UVSSA: variants seen among roughly 807,000 people sequenced by gnomAD.
UVSSA encodes the protein UV stimulated scaffold protein A.
A neutral mutation model predicts 73.9 loss-of-function variants in UVSSA; 72 were observed. That is an observed-to-expected ratio of 0.97 (90% confidence interval 0.81 to 1.19). UVSSA has a LOEUF of 1.19. UVSSA is among the 50% of genes most tolerant of loss of function. The probability of loss-of-function intolerance (pLI) is 0.00; values close to 1 mark genes in which losing one functional copy is unlikely to be tolerated. For synonymous variants in UVSSA, 454 were observed against 391.3 expected, an observed-to-expected ratio of 1.16 and a Z score of -1.89; for missense variants, 1,150 against 965.0, an observed-to-expected ratio of 1.19 and a Z score of -2.54.
In UVSSA at chr4:1,385,975, G is replaced by A. The variant is rs369821285; in HGVS notation, c.*14G>A. 1.9e-6 allele frequency: 3 copies of A among 1,613,624 alleles called. No individual in the cohort carries two copies. Among genetic ancestry groups the A allele is most frequent in the Non-Finnish European group, 2.5e-6 (3 of 1,179,862 alleles). On this transcript the variant is annotated 3_prime_UTR_variant, in exon 14 of 14. Coordinates refer to ENST00000389851, the MANE Select transcript of UVSSA (RefSeq NM_020894.4). ...GCACTGAACTAGAGAGCGGGGCCCA[G>A]TGCACTGGCCATCAGCACTTTCTCC... is the stretch of plus-strand genomic sequence containing the variant.
Position 1,372,811 on chromosome 4 carries a change from T to TCC in UVSSA, c.1289-2552_1289-2551insCC, listed in dbSNP as rs1560469163. 5.7e-3 allele frequency among the ~76,000 whole-genome samples: 278 copies of TCC among 48,392 alleles called. 27 individuals carry two copies. Among genetic ancestry groups the TCC allele is most frequent in the African/African-American group, 0.016 (161 of 10,116 alleles). The allele number at this position is 48,392 out of a possible 152,430, so 31.7% of individuals were successfully genotyped here. On this transcript the variant is annotated intron_variant, in intron 8 of 13. Coordinates refer to ENST00000389851, the MANE Select transcript of UVSSA (RefSeq NM_020894.4). Reference sequence around the variant, plus strand: ...CGCGTCCCTGCACTCACCTCCCGCGTCTCAGGGCACTCACCTCCCGCGTCT... The same window carrying TCC: ...CGCGTCCCTGCACTCACCTCCCGCGTCCCTCAGGGCACTCACCTCCCGCGTCT...
chr4:1,380,292 G>A lies in UVSSA; in HGVS notation c.1752+62G>A, dbSNP rs1719324873. 4.5e-6 allele frequency: 7 copies of A among 1,546,712 alleles called. No individual in the cohort carries two copies. In the South Asian group the frequency reaches 8.3e-5, roughly 18 times the overall value. ...CTGGACCAGGTGGGGCAGCCAGAGGGGTGCTGAGCCCCACCTGCCCCTGCC... is the reference window on the plus strand; with the variant it reads ...CTGGACCAGGTGGGGCAGCCAGAGGAGTGCTGAGCCCCACCTGCCCCTGCC... On this transcript the variant is annotated intron_variant, in intron 11 of 13. Coordinates refer to ENST00000389851, the MANE Select transcript of UVSSA (RefSeq NM_020894.4).
Position 1,371,969 on chromosome 4 carries a change from T to C in UVSSA, c.1289-3395T>C, listed in dbSNP as rs183150944. 1.2e-3 allele frequency among the ~76,000 whole-genome samples: 176 copies of C among 152,346 alleles called. 1 individual carries two copies. Among genetic ancestry groups the C allele is most frequent in the Non-Finnish European group, 3.1e-4 (21 of 68,040 alleles). On this transcript the variant is annotated intron_variant, in intron 8 of 13. Coordinates refer to ENST00000389851, the MANE Select transcript of UVSSA (RefSeq NM_020894.4). ...CGAAGTCCCCACAGTCAGGGATACC[T>C]CTGCACCCGTAGCCCTCAGCATGGC...
intron 10 of UVSSA, among the ~76,000 whole-genome samples, chr4:1,379,540 C>T (rs554120011): frequency 9.2e-5 from 14 of 152,348 alleles, no homozygotes; most frequent in African/African-American, 3.4e-4. Context: ...CAGCACCCGG[C>T]CCCTCTGTGC....
chr4:1,355,382 A>ACCTGCCTCC, intron 7 of UVSSA, 137 bp downstream of exon 7: 1 of 839,266 alleles, frequency 1.2e-6, no homozygotes, highest in Non-Finnish European at 1.8e-6. Flanking sequence ...CCTCAGCAGG[A>ACCTGCCTCC]CCTGCCTCCC....
rs560564580 is a variant in UVSSA, at chr4:1,353,199, T to C, written c.720T>C (p.Ser240=). 2.5e-5 allele frequency: 41 copies of C among 1,612,754 alleles called. 1 individual carries two copies. In the South Asian group the frequency reaches 4.2e-4, roughly 16 times the overall value. The change falls in exon 5 of 14, where the codon TCT becomes TCC. Residue 240 remains serine, a synonymous_variant. Transcript: ENST00000389851. ...CGGGCCAGGTGGGCCCCTGCCGGTC[T>C]GGCACCCCTGACCCCCGGGACGGGG... ...SCAGQVGPCR[S]GTPDPRDGEQ...
chr4:1,380,363 T>G, intron 11 of UVSSA, 133 bp downstream of exon 11: 1 of 1,216,758 alleles, frequency 8.2e-7, no homozygotes, highest in Non-Finnish European at 1.1e-6. Context: ...TGGAAGGGGC[T>G]TATCCGTGGT....
At position 1,378,690 on chromosome 4, in the gene UVSSA, G is replaced by A. The variant is rs1002264601; in HGVS notation, c.1569-1357G>A. On this transcript the variant is annotated intron_variant, in intron 10 of 13. Coordinates refer to ENST00000389851, the MANE Select transcript of UVSSA (RefSeq NM_020894.4). ...GTGTTCTCACTGCGATCCACGGGGC[G>A]TCTCTGGTCCGAGTTCCGGGTGGCA... 5.9e-5 allele frequency among the ~76,000 whole-genome samples: 9 copies of A among 152,334 alleles called. No homozygotes were observed. The East Asian group carries it at 1.7e-3, about 29-fold the overall frequency.
At chr4:1,361,540 G>A (rs1157023492) in intron 7 of UVSSA, among the ~76,000 whole-genome samples, 4 of 152,212 alleles carry the variant, frequency 2.6e-5, no homozygotes, top group Non-Finnish European at 4.4e-5. Flanking sequence ...GCTCGGCCCC[G>A]ACAGTGCTGC....
intron 10 of UVSSA, among the ~76,000 whole-genome samples, chr4:1,377,111 C>T (rs1718872379): frequency 6.6e-6 from 1 of 152,180 alleles, no homozygotes; most frequent in African/African-American, 2.4e-5. Context: ...GTGTGAGGGG[C>T]TGATGTCAGA....
At chr4:1,389,266 GCTCACTCCAACCTCAGA>G (rs1419345734), downstream of UVSSA, 1 of 152,284 alleles carries the variant, frequency 6.6e-6, no homozygotes, top group African/African-American at 2.4e-5. Context: ...TGCAATCATA[GCTCACTCCAACCTCAGA>G]CTCATGGGCC....
At chr4:1,365,372 G>A (rs935887219) in intron 7 of UVSSA, among the ~76,000 whole-genome samples, 9 of 152,216 alleles carry the variant, frequency 5.9e-5, no homozygotes, top group Non-Finnish European at 1.0e-4. Flanking sequence ...AGGAGCCACC[G>A]TCTTTCTCTG....
chr4:1,383,666 C>A, intron 12 of UVSSA, 100 bp from the exon 13 acceptor site: 1 of 1,480,060 alleles, frequency 6.8e-7, no homozygotes, highest in Non-Finnish European at 9.2e-7. Context: ...CGACCCAGCC[C>A]CCCTGTCAGG....
At chr4:1,355,018 AC>A (rs1298074594) in intron 6 of UVSSA, 98 bp from the exon 7 acceptor site, 5 of 1,543,466 alleles carry the variant, frequency 3.2e-6, no homozygotes, top group East Asian at 2.3e-5. Flanking sequence ...TGTGCCAGGG[AC>A]CCCCCGGGCC....
chr4:1,373,828 G>C (rs972143136), intron 8 of UVSSA, among the ~76,000 whole-genome samples: 1 of 152,090 alleles, frequency 6.6e-6, no homozygotes, highest in Non-Finnish European at 1.5e-5. Flanking sequence ...TGTCTCACTC[G>C]TGCTGTGGCC....
At chr4:1,394,237 C>G in exon 14 of UVSSA, 1 of 634,744 alleles carries the variant, frequency 1.6e-6, no homozygotes, top group Non-Finnish European at 2.6e-6. Context: ...TCTCAGCGGC[C>G]ACTGTGGGCA....
chr4:1,392,136 C>T (rs1353704534), downstream of UVSSA: 1 of 152,122 alleles, frequency 6.6e-6, no homozygotes, highest in South Asian at 2.1e-4. Context: ...ATTACAGTAA[C>T]AACGTAAAAC....
At chr4:1,363,226 A>C (rs1716888008) in intron 7 of UVSSA, among the ~76,000 whole-genome samples, 1 of 152,148 alleles carries the variant, frequency 6.6e-6, no homozygotes, top group Non-Finnish European at 1.5e-5. Context: ...AGAGCCACCC[A>C]CGGACCTGGC....
At chr4:1,390,691 T>A (rs1326908933), downstream of UVSSA, 1 of 152,336 alleles carries the variant, frequency 6.6e-6, no homozygotes, top group Non-Finnish European at 1.5e-5. Context: ...CCGTATTTTC[T>A]GTCCCAGAGT....
Sources: allele counts gnomAD v4.1 joint callset (sites outside exome capture counted in the v4.1 genomes callset), GRCh38; gene constraint gnomAD v4.1.1; transcripts MANE v1.5; gene names NCBI Gene and HGNC (gene_info 2026-07-23, HGNC 2026-07-21).